The following STAG1 variants were observed in gnomAD, a reference collection of about 807,000 sequenced individuals.
STAG1 encodes cohesin subunit SA-1.
Under a neutral mutation model 170.9 loss-of-function variants are expected in STAG1, and 26 were observed. That is an observed-to-expected ratio of 0.15 (90% CI 0.11 to 0.21). The LOEUF is 0.21. Among genes scored for constraint, STAG1 ranks in the 10% least tolerant of loss-of-function variants. STAG1 has a pLI of 1.00. For missense variants in STAG1, 964 were observed against 1,509.5 expected (o/e 0.64, Z 5.99); for synonymous variants, 514 against 497.7 (o/e 1.03, Z -0.44).
At chr3:136,734,259 T>C (rs554277176) in intron 1 of STAG1, among the ~76,000 whole-genome samples, 6 of 152,244 alleles carry the variant, frequency 3.9e-5, no homozygotes, top group South Asian at 4.1e-4. Flanking sequence ...GATATAATCA[T>C]GGTCAACTAA....
intron 6 of STAG1, among the ~76,000 whole-genome samples, chr3:136,539,149 T>A (rs1006228013): frequency 4.6e-5 from 7 of 150,742 alleles, no homozygotes; most frequent in South Asian, 2.1e-4. Flanking sequence ...AAAAAAAAAA[T>A]GTTTTAGTGA....
At chr3:136,504,749 G>A (rs1488607830) in intron 7 of STAG1, among the ~76,000 whole-genome samples, 1 of 152,058 alleles carries the variant, frequency 6.6e-6, no homozygotes, top group African/African-American at 2.4e-5. Context: ...CACCAACCCT[G>A]GTTGCAATTC....
intron 1 of STAG1, among the ~76,000 whole-genome samples, chr3:136,727,946 T>C (rs1576819822): frequency 6.6e-6 from 1 of 151,890 alleles, no homozygotes; most frequent in East Asian, 1.9e-4. Flanking sequence ...TCACCTGAGG[T>C]CAAGAGTTTG....
At chr3:136,535,730 A>G (rs1357958152) in intron 6 of STAG1, among the ~76,000 whole-genome samples, 4 of 152,214 alleles carry the variant, frequency 2.6e-5, no homozygotes, top group Non-Finnish European at 5.9e-5. Context: ...ACCAACACAC[A>G]GAAATGATAA....
At chr3:136,521,186 A>G in intron 7 of STAG1, 27 bp downstream of exon 7, 1 of 1,575,478 alleles carries the variant, frequency 6.3e-7, no homozygotes, top group Non-Finnish European at 8.7e-7. Context: ...AACTAAATGA[A>G]AAGGAAATAA....
chr3:136,437,214 G>A (rs959658884), intron 15 of STAG1, among the ~76,000 whole-genome samples: 2 of 152,192 alleles, frequency 1.3e-5, no homozygotes, highest in African/African-American at 4.8e-5. Context: ...TAGTGTTGAA[G>A]CTTAACTCAA....
intron 26 of STAG1, among the ~76,000 whole-genome samples, chr3:136,360,001 T>C (rs906026000): frequency 2.6e-5 from 4 of 152,210 alleles, no homozygotes; most frequent in African/African-American, 9.6e-5. Context: ...TTTACATACA[T>C]GGTGCTATGA....
chr3:136,475,138 C>CT (rs10686674), intron 10 of STAG1, among the ~76,000 whole-genome samples: 5,551 of 75,544 alleles, frequency 0.073, 321 homozygotes, highest in Non-Finnish European at 0.086. Context: ...TTATAGGTTC[C>CT]TTTTTTTTTT....
At chr3:136,432,264 T>G (rs999327449) in intron 16 of STAG1, among the ~76,000 whole-genome samples, 1 of 152,208 alleles carries the variant, frequency 6.6e-6, no homozygotes, top group South Asian at 2.1e-4. Context: ...GTTTTCATTA[T>G]TGAGATTCTC....
chr3:136,543,824 T>G (rs1292492974), intron 5 of STAG1, among the ~76,000 whole-genome samples: 2 of 152,158 alleles, frequency 1.3e-5, no homozygotes, highest in Non-Finnish European at 2.9e-5. Flanking sequence ...AGATAACAAA[T>G]GTAAAGTATT....
intron 1 of STAG1, among the ~76,000 whole-genome samples, chr3:136,719,528 A>G (rs1933081429): frequency 6.6e-6 from 1 of 151,526 alleles, no homozygotes; most frequent in African/African-American, 2.4e-5. Context: ...CGTATCTGTC[A>G]AGGAAAAACA....
At chr3:136,642,295 A>G (rs1175415238) in intron 1 of STAG1, among the ~76,000 whole-genome samples, 3 of 89,744 alleles carry the variant, frequency 3.3e-5, no homozygotes, top group Non-Finnish European at 6.1e-5. Flanking sequence ...TTTTTTTGAG[A>G]CATTCTTGCT....
intron 30 of STAG1, among the ~76,000 whole-genome samples, chr3:136,343,546 G>C (rs1936088769): frequency 6.6e-6 from 1 of 152,176 alleles, no homozygotes; most frequent in Non-Finnish European, 1.5e-5. Flanking sequence ...TTCTTGGTAA[G>C]TCCCTGAGAA....
At chr3:136,391,032 G>A (rs897497652) in intron 22 of STAG1, among the ~76,000 whole-genome samples, 1 of 152,122 alleles carries the variant, frequency 6.6e-6, no homozygotes, top group African/African-American at 2.4e-5. Context: ...TCAACAAGTT[G>A]GAATTTTCAG....
chr3:136,405,236 T>C (rs1576433428), intron 21 of STAG1, among the ~76,000 whole-genome samples: 1 of 66,254 alleles, frequency 1.5e-5, no homozygotes, highest in African/African-American at 8.4e-5. Context: ...AACCTCTTTT[T>C]TTTTTTTTTT....
intron 3 of STAG1, among the ~76,000 whole-genome samples, chr3:136,610,999 A>C (rs1204496832): frequency 1.3e-5 from 2 of 152,140 alleles, no homozygotes; most frequent in African/African-American, 4.8e-5. Flanking sequence ...AATGCTTGGA[A>C]CAAGAAGTGT....
chr3:136,464,055 A>T (rs2089372038), intron 13 of STAG1, among the ~76,000 whole-genome samples: 1 of 151,814 alleles, frequency 6.6e-6, no homozygotes, highest in African/African-American at 2.4e-5. Flanking sequence ...ACAAAAAAAT[A>T]AGGTTTAAAA....
intron 32 of STAG1, 87 bp from the exon 33 acceptor site, chr3:136,338,537 C>A: frequency 2.1e-6 from 2 of 966,426 alleles, no homozygotes; most frequent in South Asian, 1.4e-5. Flanking sequence ...CTGACAGTAT[C>A]ATAAATATAT....
chr3:136,606,870 T>G (rs1228352572), intron 3 of STAG1, among the ~76,000 whole-genome samples: 1 of 150,948 alleles, frequency 6.6e-6, no homozygotes, highest in Non-Finnish European at 1.5e-5. Context: ...TGCCTCAGCC[T>G]CCCGAGTAGC....
Sources: gnomAD v4.1 joint callset for allele counts (sites outside exome capture counted in the v4.1 genomes callset) on GRCh38, gnomAD v4.1.1 for gene constraint, MANE v1.5 for transcripts, NCBI Gene and HGNC (gene_info 2026-07-23, HGNC 2026-07-21) for gene names.